The following LINGO2 variants were observed in gnomAD, a reference collection of about 807,000 sequenced individuals.
LINGO2 encodes the protein leucine rich repeat and Ig domain containing 2.
A neutral mutation model predicts 30.6 loss-of-function variants in LINGO2; 14 were observed. The observed-to-expected ratio is 0.46, with a 90% confidence interval of 0.30 to 0.72. The LOEUF is 0.72. LINGO2 is among the 30% of genes least tolerant of loss of function. The pLI is 0.07. For synonymous variants in LINGO2, 317 were observed against 288.5 expected (o/e 1.10, Z -1.00); for missense variants, 729 against 751.7 (o/e 0.97, Z 0.35).
In LINGO2 at chr9:28,000,695, T is replaced by G. The variant is rs145938800; in HGVS notation, c.-36+11660A>C. Among the ~76,000 whole-genome samples the G allele has an allele frequency of 6.5e-3, 996 of 152,328 alleles. 13 individuals are homozygous for G. The highest frequency in any genetic ancestry group is 0.023 in the African/African-American group (958 of 41,576). On this transcript the variant is annotated intron_variant, in intron 5 of 5. Coordinates refer to ENST00000379992, the Ensembl canonical transcript of LINGO2. ...GCAATAGTTCTGACGTTTTTGGATT[T>G]CATAGTTTTTAAAAGTGGGGGCACT...
intron 1 of LINGO2, among the ~76,000 whole-genome samples, chr9:28,537,727 G>A (rs1821497551): frequency 6.6e-6 from 1 of 151,974 alleles, no homozygotes; most frequent in South Asian, 2.1e-4. Flanking sequence ...AACTTATAAT[G>A]TGTGTACCAT....
At chr9:28,932,007 C>T in the LINGO2 span, among the ~76,000 whole-genome samples, 1 of 151,704 alleles carries the variant, frequency 6.6e-6, no homozygotes, top group Admixed American at 6.6e-5. Context: ...GCTAGGGAGG[C>T]TGAGGCAGAA....
At position 28,554,614 on chromosome 9, in the gene LINGO2, C is replaced by T. The variant is rs1381418151; in HGVS notation, c.-364-78589G>A. 2.5e-3 allele frequency among the ~76,000 whole-genome samples: 289 copies of T among 116,970 alleles called. 3 individuals carry two copies. The highest frequency in any genetic ancestry group is 9.1e-3 in the African/African-American group (279 of 30,756). The allele number at this position is 116,970 out of a possible 152,430, so 76.7% of individuals were successfully genotyped here. ...ACGAGACAGAAAGTCAACAAGGATA[C>T]CCAGGAATTGAACTCAGCTCTGCAC... On this transcript the variant is annotated intron_variant, in intron 1 of 5. Coordinates refer to ENST00000379992, the Ensembl canonical transcript of LINGO2.
At chr9:28,915,795 C>T in the LINGO2 span, among the ~76,000 whole-genome samples, 1 of 152,096 alleles carries the variant, frequency 6.6e-6, no homozygotes, top group African/African-American at 2.4e-5. Context: ...TTATCCCTGT[C>T]CTGAGAGTTT....
At chr9:28,615,469 C>G (rs930911661) in intron 1 of LINGO2, among the ~76,000 whole-genome samples, 1 of 152,076 alleles carries the variant, frequency 6.6e-6, no homozygotes, top group Non-Finnish European at 1.5e-5. Flanking sequence ...TCCCAGTGGC[C>G]TGCACATTCC....
At chr9:28,338,913 A>G (rs9792406) in intron 3 of LINGO2, among the ~76,000 whole-genome samples, 9,844 of 152,056 alleles carry the variant, frequency 0.065, 364 homozygotes, top group East Asian at 0.18. Context: ...CCCCTCATCC[A>G]CTAACATACA....
At chr9:28,412,579 G>A (rs1383095160) in intron 2 of LINGO2, among the ~76,000 whole-genome samples, 1 of 151,940 alleles carries the variant, frequency 6.6e-6, no homozygotes, top group African/African-American at 2.4e-5. Flanking sequence ...AAAATAGCAA[G>A]ACACAAAATC....
intron 2 of LINGO2, among the ~76,000 whole-genome samples, chr9:28,447,505 G>T (rs980838362): frequency 6.6e-6 from 1 of 152,164 alleles, no homozygotes; most frequent in African/African-American, 2.4e-5. Context: ...AAGCCACACA[G>T]TTTATTGTAT....
rs549980632 is a variant in LINGO2, at chr9:28,664,299, T to G, written c.-365+5901A>C. Among the ~76,000 whole-genome samples the G allele has an allele frequency of 2.1e-4, 32 of 152,222 alleles. 1 individual carries two copies. The highest frequency in any genetic ancestry group is 7.2e-4 in the African/African-American group (30 of 41,568). ...TTTTGTTACTTCTAGGGGAGCTATC[T>G]GCAAGGAACAATGACAAACAGTCTT... is the stretch of plus-strand genomic sequence containing the variant. On this transcript the variant is annotated intron_variant, in intron 1 of 5. Transcript: ENST00000379992.
At chr9:28,916,149 C>G in the LINGO2 span, among the ~76,000 whole-genome samples, 1 of 152,132 alleles carries the variant, frequency 6.6e-6, no homozygotes, top group South Asian at 2.1e-4. Flanking sequence ...AAACAGAGAA[C>G]TTAAGACTGA....
At chr9:28,403,657 T>C (rs1822367684) in intron 2 of LINGO2, among the ~76,000 whole-genome samples, 1 of 11,430 alleles carries the variant, frequency 8.7e-5, no homozygotes, top group South Asian at 3.4e-3. Context: ...CCCTCTCCTT[T>C]TTTTTTTTTT....
the LINGO2 span, among the ~76,000 whole-genome samples, chr9:29,210,492 T>C: frequency 4.6e-5 from 7 of 152,264 alleles, no homozygotes; most frequent in African/African-American, 1.7e-4. Context: ...ACCATAAAAA[T>C]TTCTAAAATA....
At chr9:28,021,699 T>G (rs1396158643) in intron 4 of LINGO2, among the ~76,000 whole-genome samples, 1 of 152,138 alleles carries the variant, frequency 6.6e-6, no homozygotes, top group East Asian at 1.9e-4. Flanking sequence ...TCTTGGATTG[T>G]TATGTACTCT....
At chr9:28,230,886 A>G (rs1362107505) in intron 4 of LINGO2, among the ~76,000 whole-genome samples, 2 of 151,870 alleles carry the variant, frequency 1.3e-5, no homozygotes, top group Non-Finnish European at 2.9e-5. Flanking sequence ...TTTACCCAAT[A>G]TATTTTCTTA....
the LINGO2 span, among the ~76,000 whole-genome samples, chr9:28,943,488 T>C: frequency 0.041 from 6,261 of 152,254 alleles, 198 homozygotes; most frequent in Admixed American, 0.082. Context: ...GTTGTTATCT[T>C]GGGAGAAGCT....
At chr9:28,090,547 T>C (rs10812740) in intron 4 of LINGO2, among the ~76,000 whole-genome samples, 26,853 of 152,154 alleles carry the variant, frequency 0.18, 2,448 homozygotes, top group Middle Eastern at 0.29. Context: ...ATAAATTACA[T>C]ATTGATGGGA....
intron 1 of LINGO2, among the ~76,000 whole-genome samples, chr9:28,555,596 G>A (rs969941038): frequency 2.1e-4 from 32 of 152,082 alleles, no homozygotes; most frequent in African/African-American, 7.5e-4. Flanking sequence ...CATTCCTTCT[G>A]AAACTATTCC....
At chr9:29,185,375 C>T in the LINGO2 span, among the ~76,000 whole-genome samples, 1 of 151,950 alleles carries the variant, frequency 6.6e-6, no homozygotes, top group African/African-American at 2.4e-5. Flanking sequence ...ATGGATACAA[C>T]AAAATATAAA....
chr9:29,069,000 C>T, the LINGO2 span, among the ~76,000 whole-genome samples: 1 of 151,654 alleles, frequency 6.6e-6, no homozygotes, highest in African/African-American at 2.4e-5. Flanking sequence ...CTGGTTACTC[C>T]CAGGCTACAT....
Sources: gnomAD v4.1 joint callset for allele counts (sites outside exome capture counted in the v4.1 genomes callset) on GRCh38, gnomAD v4.1.1 for gene constraint, MANE v1.5 for transcripts, NCBI Gene and HGNC (gene_info 2026-07-23, HGNC 2026-07-21) for gene names.